The following FMR1NB variants were observed in gnomAD, a reference collection of about 807,000 sequenced individuals.
The protein encoded by FMR1NB is FMR1 neighbor.
FMR1NB carries 10 observed loss-of-function variants against 16.8 expected under a neutral mutation model. That is an observed-to-expected ratio of 0.60 (90% confidence interval 0.37 to 1.01). FMR1NB has a LOEUF of 1.01. Among genes scored for constraint, FMR1NB ranks in the 50% least tolerant of loss-of-function variants. The pLI is 0.01. For synonymous variants in FMR1NB, 83 were observed against 79.1 expected, an observed-to-expected ratio of 1.05 and a Z score of -0.26; for missense variants, 205 against 204.8, an observed-to-expected ratio of 1.00 and a Z score of 0.00.
chrX:147,984,405 A>G (rs1421466440), intron 1 of FMR1NB, among the ~76,000 whole-genome samples: 1 of 112,283 alleles, frequency 8.9e-6, no homozygotes, highest in Non-Finnish European at 1.9e-5. Flanking sequence ...AATGTTTTGT[A>G]GTTTTCAGTT....
At chrX:147,985,279 G>A (rs1350038336) in intron 1 of FMR1NB, among the ~76,000 whole-genome samples, 3 of 111,491 alleles carry the variant, frequency 2.7e-5, no homozygotes, top group Admixed American at 9.5e-5. Context: ...GAAGCCATCC[G>A]TTCCTAGATT....
chrX:147,983,714 G>A (rs1403209371), intron 1 of FMR1NB, among the ~76,000 whole-genome samples: 1 of 111,974 alleles, frequency 8.9e-6, no homozygotes, highest in African/African-American at 3.2e-5. Context: ...GTCCTTTGAT[G>A]TAAAAATGTT....
chrX:147,992,815 G>C (rs1169068778), intron 1 of FMR1NB, among the ~76,000 whole-genome samples: 1 of 74,914 alleles, frequency 1.3e-5, no homozygotes, highest in Non-Finnish European at 2.4e-5. Context: ...CATCTCAGAT[G>C]ATGGGTGGCC....
intron 4 of FMR1NB, among the ~76,000 whole-genome samples, chrX:148,013,459 G>T (rs2044635022): frequency 9.0e-6 from 1 of 111,604 alleles, no homozygotes; most frequent in Non-Finnish European, 1.9e-5. Context: ...CCCAAATGTG[G>T]TTGTTTCCCA....
At chrX:147,993,267 G>C (rs782540894) in intron 1 of FMR1NB, among the ~76,000 whole-genome samples, 5 of 112,364 alleles carry the variant, frequency 4.4e-5, no homozygotes, top group Non-Finnish European at 9.5e-5. Flanking sequence ...CCAGTCAGGC[G>C]TGGCGGCGCG....
At chrX:147,992,705 C>T (rs1287784778) in intron 1 of FMR1NB, among the ~76,000 whole-genome samples, 3 of 57,092 alleles carry the variant, frequency 5.3e-5, no homozygotes, top group African/African-American at 9.8e-5. Context: ...TCAGACGGGG[C>T]GGCCGGGCAG....
At chrX:147,993,007 G>A (rs1368447125) in intron 1 of FMR1NB, among the ~76,000 whole-genome samples, 4 of 105,303 alleles carry the variant, frequency 3.8e-5, no homozygotes, top group Admixed American at 1.9e-4. Context: ...TCACTTCCCA[G>A]ACGGGGTGGC....
chrX:148,024,172 G>A (rs1369561906), intron 4 of FMR1NB, among the ~76,000 whole-genome samples: 4 of 112,008 alleles, frequency 3.6e-5, no homozygotes, highest in Non-Finnish European at 5.6e-5. Flanking sequence ...ACAGACCTAC[G>A]TTTAAATTCT....
chrX:147,992,113 C>T (rs1263062290), intron 1 of FMR1NB, among the ~76,000 whole-genome samples: 6 of 111,719 alleles, frequency 5.4e-5, no homozygotes, highest in African/African-American at 1.6e-4. Flanking sequence ...CCACCTTTCC[C>T]GCCTTTCTAC....
rs1557188789 is a variant in FMR1NB, at chrX:148,003,201, G to C, written c.278G>C (p.Gly93Ala). Residue 93 changes from glycine to alanine, a missense_variant and splice_region_variant, in exon 2 of 6, where the codon GGG becomes GCG. Gly to Ala is a moderately conservative substitution (Grantham distance 60, BLOSUM62 0). Coordinates refer to ENST00000370467, the MANE Select transcript of FMR1NB (RefSeq NM_152578.3). ...ATTAATAATTTTACTTCTTCTTAAG[G>C]GTCCTCATATTTTGTGCTTGCAAAT... ...CYYLSYYLCS[G>A]SSYFVLANGH... is the part of the protein sequence containing the mutation. 2.5e-6 allele frequency: 3 copies of C among 1,204,868 alleles called. No individual in the cohort carries two copies. Among genetic ancestry groups the C allele is most frequent in the Non-Finnish European group, 3.4e-6 (3 of 891,717 alleles).
chrX:147,995,786 T>C (rs1296264683), intron 1 of FMR1NB, among the ~76,000 whole-genome samples: 1 of 112,628 alleles, frequency 8.9e-6, no homozygotes, highest in East Asian at 2.8e-4. Flanking sequence ...ACATAGAAAG[T>C]CTGGCTGCCT....
intron 1 of FMR1NB, among the ~76,000 whole-genome samples, chrX:147,989,916 T>A (rs1351915804): frequency 9.0e-6 from 1 of 110,733 alleles, no homozygotes; most frequent in African/African-American, 3.3e-5. Context: ...TTCAAGCCAG[T>A]CATTCTTAGC....
intron 1 of FMR1NB, among the ~76,000 whole-genome samples, chrX:147,993,327 G>A (rs782486794): frequency 3.4e-4 from 38 of 111,662 alleles, no homozygotes; most frequent in Non-Finnish European, 5.1e-4. Flanking sequence ...AATCAGGCAG[G>A]GAGGTTGCAG....
intron 4 of FMR1NB, among the ~76,000 whole-genome samples, chrX:148,010,468 T>C (rs950915724): frequency 2.7e-5 from 3 of 111,661 alleles, no homozygotes; most frequent in Non-Finnish European, 3.8e-5. Flanking sequence ...ATCCCTGATA[T>C]CAAACAAGGA....
chrX:148,012,687 T>TA (rs2124624803), intron 4 of FMR1NB, among the ~76,000 whole-genome samples: 1 of 111,716 alleles, frequency 9.0e-6, no homozygotes, highest in East Asian at 2.8e-4. Context: ...GCTGCATGAT[T>TA]CCCTGTATTA....
intron 3 of FMR1NB, among the ~76,000 whole-genome samples, chrX:148,007,434 C>T (rs182561303): frequency 4.5e-5 from 5 of 111,427 alleles, no homozygotes; most frequent in Admixed American, 9.6e-5. Context: ...GGACTACAGA[C>T]GTGCACCAGC....
At chrX:148,020,770 C>G (rs1477366849) in intron 4 of FMR1NB, among the ~76,000 whole-genome samples, 2 of 111,852 alleles carry the variant, frequency 1.8e-5, no homozygotes, top group Non-Finnish European at 3.8e-5. Context: ...AGATGTAAGA[C>G]AAAGTCTGCT....
Position 147,981,349 on chromosome X carries a change from C to G in FMR1NB, c.-54C>G, listed in dbSNP as rs1160317107. 8.5e-7 allele frequency: 1 copy of G among 1,175,477 alleles called. No individual in the cohort carries two copies. The highest frequency in any genetic ancestry group is 1.8e-5 in the African/African-American group (1 of 56,262). On this transcript the variant is annotated 5_prime_UTR_variant, in exon 1 of 6. Coordinates refer to ENST00000370467, the MANE Select transcript of FMR1NB (RefSeq NM_152578.3). Reference sequence around the variant, plus strand: ...GCCCCGGAAGCTTCTGGGCCACGGACTGCCGGACCGTTGGGCTGTGAGGCA... The same window carrying G: ...GCCCCGGAAGCTTCTGGGCCACGGAGTGCCGGACCGTTGGGCTGTGAGGCA...
intron 4 of FMR1NB, among the ~76,000 whole-genome samples, chrX:148,016,802 TCTTA>T (rs1342843032): frequency 9.0e-6 from 1 of 111,377 alleles, no homozygotes; most frequent in African/African-American, 3.3e-5. Flanking sequence ...TCTGCTTGTA[TCTTA>T]TAGTAGTCGA....
Sources: allele counts gnomAD v4.1 joint callset (sites outside exome capture counted in the v4.1 genomes callset), GRCh38; gene constraint gnomAD v4.1.1; transcripts MANE v1.5; gene names NCBI Gene and HGNC (gene_info 2026-07-23, HGNC 2026-07-21).